SDK1: variants seen among roughly 807,000 people sequenced by gnomAD.
SDK1 encodes protein sidekick-1.
SDK1 carries 157 observed loss-of-function variants against 245.5 expected under a neutral mutation model. The observed-to-expected ratio is 0.64, with a 90% confidence interval of 0.56 to 0.73. The LOEUF is 0.73. Ranked by LOEUF, SDK1 falls within the 30% of genes least tolerant of loss-of-function variation. SDK1 has a pLI of 0.00. For missense variants in SDK1, 3,583 were observed against 3,002.3 expected (o/e 1.19, Z -4.52); for synonymous variants, 1,647 against 1,278.5 (o/e 1.29, Z -6.15).
intron 1 of SDK1, among the ~76,000 whole-genome samples, chr7:3,599,383 A>G (rs112403852): frequency 0.015 from 2,207 of 152,000 alleles, 61 homozygotes; most frequent in African/African-American, 0.05. Flanking sequence ...TCTTTTTCAG[A>G]TAATGTGGTT....
At chr7:3,669,735 A>G (rs1043164019) in intron 4 of SDK1, among the ~76,000 whole-genome samples, 3 of 152,136 alleles carry the variant, frequency 2.0e-5, no homozygotes, top group African/African-American at 4.8e-5. Context: ...ATGACTCACA[A>G]TTTTACATCT....
At chr7:4,199,560 C>T (rs1278471466) in intron 35 of SDK1, among the ~76,000 whole-genome samples, 1 of 152,212 alleles carries the variant, frequency 6.6e-6, no homozygotes, top group Non-Finnish European at 1.5e-5. Context: ...GTCTGAAGCT[C>T]TCTGGCCTCA....
intron 20 of SDK1, among the ~76,000 whole-genome samples, chr7:4,071,010 G>T (rs1203147079): frequency 1.3e-5 from 2 of 151,594 alleles, no homozygotes; most frequent in Non-Finnish European, 1.5e-5. Flanking sequence ...GCTGGACTTT[G>T]TGGGGTTTTT....
chr7:3,360,956 G>C, intron 1 of SDK1, among the ~76,000 whole-genome samples: 1 of 152,118 alleles, frequency 6.6e-6, no homozygotes, highest in East Asian at 1.9e-4. Flanking sequence ...GAATAGTAAG[G>C]CCTCCAATTG....
intron 4 of SDK1, among the ~76,000 whole-genome samples, chr7:3,707,353 T>A (rs954913021): frequency 1.3e-5 from 2 of 152,242 alleles, no homozygotes; most frequent in Non-Finnish European, 2.9e-5. Flanking sequence ...CATGTGTTTG[T>A]AGTTTTCAAG....
intron 1 of SDK1, among the ~76,000 whole-genome samples, chr7:3,388,181 A>G (rs1781656791): frequency 6.6e-6 from 1 of 152,144 alleles, no homozygotes; most frequent in Non-Finnish European, 1.5e-5. Context: ...TTAGTTATAA[A>G]ATGAGATGGG....
chr7:3,527,558 G>T lies in SDK1; in HGVS notation c.299-91522G>T, dbSNP rs533032398. Among the ~76,000 whole-genome samples, 5 of 152,328 alleles carry T rather than the reference G, an allele frequency of 3.3e-5. No individual in the cohort carries two copies. In the South Asian group the frequency reaches 8.3e-4, roughly 25 times the overall value. ...ATGATAGTTGGCTAGTGGGTGAGTG[G>T]TAGGAGTTGAGGCTGGATCATAGCC... On this transcript the variant is annotated intron_variant, in intron 1 of 44. Coordinates refer to ENST00000404826, the MANE Select transcript of SDK1 (RefSeq NM_152744.4).
intron 38 of SDK1, among the ~76,000 whole-genome samples, chr7:4,215,062 C>G (rs915165202): frequency 2.0e-5 from 3 of 152,196 alleles, no homozygotes; most frequent in African/African-American, 7.2e-5. Flanking sequence ...GCCTCGGGAC[C>G]CTGGCGCTCG....
rs1049558762 is a variant in SDK1, at chr7:3,342,989, C to T, written c.298+41105C>T. 4.9e-4 allele frequency among the ~76,000 whole-genome samples: 63 copies of T among 128,472 alleles called. 1 individual carries two copies. Among genetic ancestry groups the T allele is most frequent in the African/African-American group, 1.6e-3 (55 of 34,554 alleles). The allele number at this position is 128,472 out of a possible 152,430, so 84.3% of individuals were successfully genotyped here. On this transcript the variant is annotated intron_variant, in intron 1 of 44. Coordinates refer to ENST00000404826, the MANE Select transcript of SDK1 (RefSeq NM_152744.4). ...AATTAAAGCCATAGGGAGAAAACTT[C>T]TGCTAAATGGCTGAAAAAAAAAAAA...
At chr7:3,421,378 C>T (rs1453693536) in intron 1 of SDK1, among the ~76,000 whole-genome samples, 2 of 152,054 alleles carry the variant, frequency 1.3e-5, no homozygotes, top group African/African-American at 4.8e-5. Context: ...GCCTGGCCTG[C>T]ACTCTCACTT....
chr7:4,246,669 C>T (rs993315900), intron 44 of SDK1, among the ~76,000 whole-genome samples: 3 of 152,074 alleles, frequency 2.0e-5, no homozygotes, highest in African/African-American at 7.2e-5. Flanking sequence ...ACAGCAGTTC[C>T]AGGTCATGTA....
At chr7:3,797,124 A>G (rs938042974) in intron 4 of SDK1, among the ~76,000 whole-genome samples, 1 of 151,828 alleles carries the variant, frequency 6.6e-6, no homozygotes, top group African/African-American at 2.4e-5. Context: ...CTACTGCCTC[A>G]GTCTCACAAG....
intron 5 of SDK1, among the ~76,000 whole-genome samples, chr7:3,877,426 C>T (rs754396919): frequency 6.6e-6 from 1 of 152,040 alleles, no homozygotes; most frequent in Admixed American, 6.5e-5. Flanking sequence ...GAGAGAACAA[C>T]CGTGTTCCCT....
chr7:4,256,779 G>A (rs1053728927), intron 44 of SDK1, among the ~76,000 whole-genome samples: 2 of 152,198 alleles, frequency 1.3e-5, no homozygotes, highest in Non-Finnish European at 2.9e-5. Flanking sequence ...GATAAGGAGT[G>A]AGAAGCCCTT....
intron 26 of SDK1, among the ~76,000 whole-genome samples, chr7:4,128,863 G>A (rs1784576265): frequency 7.3e-6 from 1 of 137,656 alleles, no homozygotes; most frequent in Non-Finnish European, 1.6e-5. Flanking sequence ...GAATAGAGCA[G>A]CTTGGGGTGG....
At chr7:3,928,182 T>A (rs1443438263) in intron 5 of SDK1, among the ~76,000 whole-genome samples, 1 of 152,198 alleles carries the variant, frequency 6.6e-6, no homozygotes, top group Non-Finnish European at 1.5e-5. Flanking sequence ...TAATATAAAT[T>A]ATACTCATTA....
chr7:3,419,742 T>C (rs1293468765), intron 1 of SDK1, among the ~76,000 whole-genome samples: 1 of 152,210 alleles, frequency 6.6e-6, no homozygotes, highest in East Asian at 1.9e-4. Flanking sequence ...TACCTGTGTA[T>C]TCATCAAGTA....
At chr7:3,454,852 G>A (rs1196967096) in intron 1 of SDK1, among the ~76,000 whole-genome samples, 1 of 152,162 alleles carries the variant, frequency 6.6e-6, no homozygotes, top group African/African-American at 2.4e-5. Context: ...CTGTGCCCAA[G>A]TGTGTAATTG....
intron 1 of SDK1, among the ~76,000 whole-genome samples, chr7:3,613,660 A>G (rs1234343208): frequency 1.3e-5 from 2 of 152,206 alleles, no homozygotes; most frequent in Admixed American, 1.3e-4. Context: ...AGAGGAATAT[A>G]AATCGTTCTA....
Sources: gnomAD v4.1 joint callset for allele counts (sites outside exome capture counted in the v4.1 genomes callset) on GRCh38, gnomAD v4.1.1 for gene constraint, MANE v1.5 for transcripts, NCBI Gene and HGNC (gene_info 2026-07-23, HGNC 2026-07-21) for gene names.